Variants in PSD3 observed in about 807,000 individuals in gnomAD.
PSD3 encodes the protein pleckstrin and Sec7 domain containing 3.
Under a neutral mutation model 105.5 loss-of-function variants are expected in PSD3, and 49 were observed. The ratio of observed to expected loss-of-function variants is 0.46; its 90% CI spans 0.37 to 0.59. The LOEUF (loss-of-function observed/expected upper bound fraction) is 0.59. Ranked by LOEUF, PSD3 falls within the 20% of genes least tolerant of loss-of-function variation. PSD3 has a pLI of 0.00. For synonymous variants in PSD3, 557 were observed against 457.8 expected (o/e 1.22, Z -2.77); for missense variants, 1,561 against 1,263.8 (o/e 1.24, Z -3.57).
chr8:18,822,840 A>T (rs59104397), intron 4 of PSD3, among the ~76,000 whole-genome samples: 7,107 of 152,212 alleles, frequency 0.047, 425 homozygotes, highest in African/African-American at 0.13. Context: ...AAAAAAATCC[A>T]TGTCAGATGA....
At chr8:18,631,154 G>C (rs1479948990) in intron 11 of PSD3, among the ~76,000 whole-genome samples, 1 of 152,048 alleles carries the variant, frequency 6.6e-6, no homozygotes, top group African/African-American at 2.4e-5. Flanking sequence ...ATGTTACAGA[G>C]AGATGGTATA....
At chr8:18,657,385 A>C (rs577869382) in intron 9 of PSD3, among the ~76,000 whole-genome samples, 2 of 152,242 alleles carry the variant, frequency 1.3e-5, no homozygotes, top group Admixed American at 6.5e-5. Context: ...AAACTTCATG[A>C]AAGTTCTCAA....
At chr8:18,554,680 T>G (rs1800963369) in intron 15 of PSD3, among the ~76,000 whole-genome samples, 1 of 152,122 alleles carries the variant, frequency 6.6e-6, no homozygotes, top group South Asian at 2.1e-4. Flanking sequence ...GAAATGAACT[T>G]AGGCTCATAG....
chr8:18,993,900 A>C (rs1188473621), intron 1 of PSD3, among the ~76,000 whole-genome samples: 2 of 152,044 alleles, frequency 1.3e-5, no homozygotes, highest in African/African-American at 4.8e-5. Flanking sequence ...TGATTATATC[A>C]ATCACTTTTT....
chr8:18,963,306 A>T (rs1158887738), intron 1 of PSD3, among the ~76,000 whole-genome samples: 2 of 152,168 alleles, frequency 1.3e-5, no homozygotes, highest in African/African-American at 2.4e-5. Flanking sequence ...ATATCACCAT[A>T]TATATTTCCA....
intron 9 of PSD3, among the ~76,000 whole-genome samples, chr8:18,727,927 A>G (rs959635016): frequency 6.6e-6 from 1 of 152,128 alleles, no homozygotes; most frequent in Non-Finnish European, 1.5e-5. Context: ...ACCCATTTTT[A>G]TCCATTTAGT....
chr8:18,655,564 G>A lies in PSD3; in HGVS notation c.2216+78C>T, dbSNP rs1808826913. ...CAATGCATATTTAATCCTTCTCTAA[G>A]ATCACTTCCAAGGCATAAAGACAGT... is the stretch of plus-strand genomic sequence containing the variant. On this transcript the variant is annotated intron_variant, in intron 10 of 15. Transcript: ENST00000327040. 15 of 1,324,230 alleles carry A rather than the reference G, an allele frequency of 1.1e-5. No individual in the cohort carries two copies. The South Asian group carries it at 1.4e-4, about 13-fold the overall frequency. The allele number at this position is 1,324,230 out of a possible 1,614,324, so 82.0% of individuals were successfully genotyped here.
Position 18,632,600 on chromosome 8 carries a change from G to C in PSD3, c.2410+13C>G, listed in dbSNP as rs772783732. The C allele has an allele frequency of 3.8e-6, 6 of 1,596,178 alleles. No individual in the cohort carries two copies. Among genetic ancestry groups the C allele is most frequent in the Non-Finnish European group, 4.3e-6 (5 of 1,171,586 alleles). ...AATAAATGAAATAGAAAATGACAACGCATGATACTTACTCTTCTTTCCATC... is the reference window on the plus strand; with the variant it reads ...AATAAATGAAATAGAAAATGACAACCCATGATACTTACTCTTCTTTCCATC... On this transcript the variant is annotated intron_variant, in intron 11 of 15. Transcript: ENST00000327040.
intron 1 of PSD3, among the ~76,000 whole-genome samples, chr8:19,050,045 T>C (rs1828465729): frequency 6.6e-6 from 1 of 152,206 alleles, no homozygotes; most frequent in African/African-American, 2.4e-5. Context: ...TGTTCAAACA[T>C]GCCAATCAAC....
At chr8:18,650,209 C>A (rs926970584) in intron 10 of PSD3, among the ~76,000 whole-genome samples, 1 of 152,192 alleles carries the variant, frequency 6.6e-6, no homozygotes, top group Admixed American at 6.5e-5. Flanking sequence ...TGAAGATCCT[C>A]ATGCAGATAC....
chr8:18,818,146 G>A (rs892897101), intron 4 of PSD3, among the ~76,000 whole-genome samples: 2 of 152,030 alleles, frequency 1.3e-5, no homozygotes, highest in African/African-American at 4.8e-5. Context: ...GTAGAGAAGG[G>A]GTTTTGCCAT....
chr8:18,809,500 C>G (rs762822610), intron 4 of PSD3, among the ~76,000 whole-genome samples: 8 of 152,038 alleles, frequency 5.3e-5, no homozygotes, highest in Admixed American at 4.6e-4. Context: ...AATAGGGTAC[C>G]CAATAAAATT....
At chr8:18,819,958 A>G (rs1008857226) in intron 4 of PSD3, among the ~76,000 whole-genome samples, 29 of 152,346 alleles carry the variant, frequency 1.9e-4, no homozygotes, top group African/African-American at 6.7e-4. Context: ...TGCACAACGC[A>G]AAATTATACT....
intron 11 of PSD3, among the ~76,000 whole-genome samples, chr8:18,617,911 T>C (rs1182488861): frequency 2.0e-5 from 3 of 152,214 alleles, no homozygotes; most frequent in South Asian, 2.1e-4. Context: ...TATTTTGAAA[T>C]GATCTGCAAA....
At chr8:18,793,462 T>A (rs1254728661) in intron 8 of PSD3, among the ~76,000 whole-genome samples, 8 of 149,378 alleles carry the variant, frequency 5.4e-5, no homozygotes, top group African/African-American at 1.5e-4. Context: ...AACCTGCACA[T>A]CCTGCACATA....
chr8:18,566,090 C>T (rs1336848460), intron 14 of PSD3, among the ~76,000 whole-genome samples: 2 of 152,078 alleles, frequency 1.3e-5, no homozygotes, highest in African/African-American at 4.8e-5. Context: ...CACACTATGA[C>T]CCCAGTATAG....
intron 1 of PSD3, among the ~76,000 whole-genome samples, chr8:19,079,679 G>A (rs945145153): frequency 5.9e-5 from 9 of 152,008 alleles, no homozygotes; most frequent in Non-Finnish European, 8.8e-5. Context: ...CAGGACAGAC[G>A]GCTTGCAATA....
intron 1 of PSD3, among the ~76,000 whole-genome samples, chr8:19,009,850 C>T (rs903413595): frequency 3.9e-5 from 6 of 152,086 alleles, no homozygotes; most frequent in Admixed American, 6.5e-5. Flanking sequence ...GAGATCGCAC[C>T]ATTGCACTCC....
At chr8:18,670,156 G>A (rs776415101) in intron 9 of PSD3, among the ~76,000 whole-genome samples, 26 of 152,166 alleles carry the variant, frequency 1.7e-4, no homozygotes, top group African/African-American at 5.1e-4. Flanking sequence ...GCAAGGAAAC[G>A]TAAGACGTGA....
Sources: gnomAD v4.1 joint callset for allele counts (sites outside exome capture counted in the v4.1 genomes callset) on GRCh38, gnomAD v4.1.1 for gene constraint, MANE v1.5 for transcripts, NCBI Gene and HGNC (gene_info 2026-07-23, HGNC 2026-07-21) for gene names.